The following REV3L variants were observed in gnomAD, a reference collection of about 807,000 sequenced individuals.
REV3L encodes REV3 like, DNA directed polymerase zeta catalytic subunit, also known as DNA polymerase zeta catalytic subunit.
Under a neutral mutation model 299.4 loss-of-function variants are expected in REV3L, and 69 were observed. The ratio of observed to expected loss-of-function variants is 0.23; its 90% CI spans 0.19 to 0.28. The LOEUF (loss-of-function observed/expected upper bound fraction) is 0.28, where lower values mean the gene tolerates loss of function less well. REV3L is among the 10% of genes least tolerant of loss of function. The pLI is 1.00. For synonymous variants in REV3L, 1,238 were observed against 1,271.4 expected, an observed-to-expected ratio of 0.97 and a Z score of 0.56; for missense variants, 3,128 against 3,693.8, an observed-to-expected ratio of 0.85 and a Z score of 3.97.
At chr6:111,364,853 A>C (rs1373682124) in intron 15 of REV3L, among the ~76,000 whole-genome samples, 1 of 152,038 alleles carries the variant, frequency 6.6e-6, no homozygotes, top group Non-Finnish European at 1.5e-5. Flanking sequence ...TTAGTAAAAT[A>C]AATTTTAAAA....
intron 3 of REV3L, among the ~76,000 whole-genome samples, chr6:111,408,670 C>T (rs1158174256): frequency 6.7e-6 from 1 of 149,030 alleles, no homozygotes; most frequent in African/African-American, 2.4e-5. Context: ...ATTGAGAACA[C>T]TAAAGAGCTT....
At chr6:111,329,360 T>C (rs1775157694) in intron 25 of REV3L, among the ~76,000 whole-genome samples, 172 bp downstream of exon 25, 1 of 150,576 alleles carries the variant, frequency 6.6e-6, no homozygotes. Flanking sequence ...TTTTTTTTTC[T>C]TTTAAAAAAG....
intron 1 of REV3L, among the ~76,000 whole-genome samples, chr6:111,428,602 T>C (rs1015808525): frequency 6.6e-6 from 1 of 151,902 alleles, no homozygotes; most frequent in Non-Finnish European, 1.5e-5. Flanking sequence ...CATTAAAGTC[T>C]CTCAATAGCA....
chr6:111,465,685 A>G lies in REV3L; in HGVS notation c.139+17065T>C, dbSNP rs181544762. ...GAGGCGGAGGTTGCAGTGAGCTGAGATCGCGCCCGAGCACTCTAGCCTGGG... is the reference window on the plus strand; with the variant it reads ...GAGGCGGAGGTTGCAGTGAGCTGAGGTCGCGCCCGAGCACTCTAGCCTGGG... On this transcript the variant is annotated intron_variant, in intron 1 of 31. Coordinates refer to ENST00000368802, the MANE Select transcript of REV3L (RefSeq NM_001372078.1). Among the ~76,000 whole-genome samples, 34 of 138,406 alleles carry G rather than the reference A, an allele frequency of 2.5e-4. No homozygotes were observed. In the East Asian group the frequency reaches 8.0e-3, roughly 32 times the overall value. The allele number at this position is 138,406 out of a possible 152,430, so 90.8% of individuals were successfully genotyped here.
chr6:111,482,837 G>A lies in REV3L; in HGVS notation c.52C>T (p.Gln18Ter). The A allele has an allele frequency of 6.6e-7, 1 of 1,507,922 alleles. No homozygotes were observed. The highest frequency in any genetic ancestry group is 8.8e-7 in the Non-Finnish European group (1 of 1,135,832). The allele number at this position is 1,507,922 out of a possible 1,614,324, so 93.4% of individuals were successfully genotyped here. The change falls in exon 1 of 32, where the codon CAG becomes TAG. Residue 18 changes from glutamine to a stop codon, truncating the protein, a stop_gained. Coordinates refer to ENST00000368802, the MANE Select transcript of REV3L (RefSeq NM_001372078.1). LOFTEE classifies it high-confidence loss of function. ...GGGGATTGGCAGGTATCCAGCCCCT[G>A]CAGCGGGCTGGCCATGTAGTAGTCT... ...TADYYMASPL[Q>*]GLDTCQSPLT...
intron 26 of REV3L, 175 bp from the exon 27 acceptor site, chr6:111,315,556 G>A (rs1317808699): frequency 6.8e-6 from 4 of 585,220 alleles, no homozygotes; most frequent in Admixed American, 3.0e-5. Flanking sequence ...CTTTCCTTAT[G>A]TACTTATATC....
chr6:111,400,499 C>G (rs1168315778), intron 4 of REV3L, among the ~76,000 whole-genome samples: 1 of 152,104 alleles, frequency 6.6e-6, no homozygotes, highest in African/African-American at 2.4e-5. Flanking sequence ...TGAATATCAT[C>G]TTTTCATGTG....
At position 111,473,239 on chromosome 6, in the gene REV3L, T is replaced by TTC. The variant is rs1554253624; in HGVS notation, c.139+9510_139+9511insGA. 7.8e-4 allele frequency among the ~76,000 whole-genome samples: 117 copies of TTC among 149,926 alleles called. 1 individual carries two copies. Among genetic ancestry groups the TTC allele is most frequent in the Middle Eastern group, 3.4e-3 (1 of 294 alleles). ...TTTTTCACTTAGATTTTTTTTTTTTTTTAAAGAGACGGGGTCTTGCCATGT... is the reference window on the plus strand; with the variant it reads ...TTTTTCACTTAGATTTTTTTTTTTTTTCTTAAAGAGACGGGGTCTTGCCATGT... On this transcript the variant is annotated intron_variant, in intron 1 of 31. Transcript: ENST00000368802.
In REV3L at chr6:111,440,375, C is replaced by A. The variant is rs532540044; in HGVS notation, c.140-23903G>T. Among the ~76,000 whole-genome samples the A allele has an allele frequency of 2.0e-5, 3 of 152,246 alleles. No homozygotes were observed. The South Asian group carries it at 6.2e-4, about 32-fold the overall frequency. On this transcript the variant is annotated intron_variant, in intron 1 of 31. Transcript: ENST00000368802. ...TGAGCCACCACGCCGAGTCCCAAAG[C>A]AAAGATTTTTATGCTACAGAAATAA...
chr6:111,445,081 T>C (rs1788685095), intron 1 of REV3L, among the ~76,000 whole-genome samples: 1 of 152,090 alleles, frequency 6.6e-6, no homozygotes, highest in African/African-American at 2.4e-5. Flanking sequence ...TATAAGAAGC[T>C]CTCGGCATGT....
At chr6:111,343,492 A>C (rs1000453599) in intron 21 of REV3L, among the ~76,000 whole-genome samples, 10 of 152,188 alleles carry the variant, frequency 6.6e-5, no homozygotes, top group Non-Finnish European at 1.2e-4. Context: ...TACAAGATAA[A>C]TGCATTTTTC....
intron 3 of REV3L, among the ~76,000 whole-genome samples, chr6:111,406,044 T>C (rs1175367495): frequency 6.6e-6 from 1 of 152,180 alleles, no homozygotes; most frequent in African/African-American, 2.4e-5. Context: ...GTATTTTTTT[T>C]CCCTTCATGA....
At chr6:111,397,828 G>C (rs1299973986) in intron 4 of REV3L, among the ~76,000 whole-genome samples, 1 of 151,890 alleles carries the variant, frequency 6.6e-6, no homozygotes, top group Non-Finnish European at 1.5e-5. Context: ...GTAAAGATGA[G>C]ATCTCACTAT....
intron 1 of REV3L, chr6:111,430,946 A>G (rs1249140328): frequency 1.3e-6 from 2 of 1,588,634 alleles, no homozygotes; most frequent in East Asian, 2.2e-5. Flanking sequence ...GGGAATGACA[A>G]CTGGAAGACT....
chr6:111,461,242 G>C (rs1790736474), intron 1 of REV3L, among the ~76,000 whole-genome samples: 1 of 152,050 alleles, frequency 6.6e-6, no homozygotes, highest in African/African-American at 2.4e-5. Context: ...GTGGAAGACA[G>C]TGATATTTAT....
chr6:111,401,858 C>A (rs757929422), intron 4 of REV3L, among the ~76,000 whole-genome samples: 1 of 152,104 alleles, frequency 6.6e-6, no homozygotes, highest in Admixed American at 6.5e-5. Context: ...TGCCTGTAAT[C>A]CCAGCACTTT....
At chr6:111,416,008 A>G (rs1261501199) in intron 2 of REV3L, among the ~76,000 whole-genome samples, 1 of 152,206 alleles carries the variant, frequency 6.6e-6, no homozygotes. Flanking sequence ...AAAAGTATTT[A>G]AGAAATATTT....
At chr6:111,470,981 AAAAAATAAATAAAT>A (rs1307626684) in intron 1 of REV3L, among the ~76,000 whole-genome samples, 1 of 152,192 alleles carries the variant, frequency 6.6e-6, no homozygotes, top group Non-Finnish European at 1.5e-5. Flanking sequence ...CTCTGTCTCA[AAAAAATAAATAAAT>A]AAAAATAAAT....
intron 1 of REV3L, among the ~76,000 whole-genome samples, chr6:111,475,363 A>C (rs1792815733): frequency 6.6e-6 from 1 of 152,212 alleles, no homozygotes; most frequent in Non-Finnish European, 1.5e-5. Context: ...AATCTTCTAG[A>C]GAATAAAATC....
Sources: gnomAD v4.1 joint callset for allele counts (sites outside exome capture counted in the v4.1 genomes callset) on GRCh38, gnomAD v4.1.1 for gene constraint, MANE v1.5 for transcripts, NCBI Gene and HGNC (gene_info 2026-07-23, HGNC 2026-07-21) for gene names.